The following SLC14A2 variants were observed in gnomAD, a reference collection of about 807,000 sequenced individuals.
The protein encoded by SLC14A2 is urea transporter 2.
Under a neutral mutation model 104.6 loss-of-function variants are expected in SLC14A2, and 91 were observed. The ratio of observed to expected loss-of-function variants is 0.87; its 90% CI spans 0.73 to 1.04. The LOEUF (loss-of-function observed/expected upper bound fraction) is 1.04. Among genes scored for constraint, SLC14A2 ranks in the 50% least tolerant of loss-of-function variants. The pLI, the probability that SLC14A2 is intolerant of heterozygous loss-of-function variation, is 0.00. For synonymous variants in SLC14A2, 476 were observed against 466.4 expected (o/e 1.02, Z -0.27); for missense variants, 1,189 against 1,156.0 (o/e 1.03, Z -0.41).
chr18:45,513,806 G>A (rs946216492), intron 2 of SLC14A2, among the ~76,000 whole-genome samples: 4 of 152,148 alleles, frequency 2.6e-5, no homozygotes, highest in African/African-American at 4.8e-5. Flanking sequence ...TTACTGTACC[G>A]ACTCAGACCC....
chr18:45,463,316 C>T (rs1394172731), intron 1 of SLC14A2, among the ~76,000 whole-genome samples: 1 of 152,192 alleles, frequency 6.6e-6, no homozygotes, highest in Non-Finnish European at 1.5e-5. Context: ...CACCCAGCAG[C>T]TTGACCCACC....
At chr18:45,196,325 TTC>T in the SLC14A2 span, among the ~76,000 whole-genome samples, 168 of 152,340 alleles carry the variant, frequency 1.1e-3, no homozygotes, top group Non-Finnish European at 2.0e-3. Flanking sequence ...CTCATTCTCT[TTC>T]TCTCTCATTC....
chr18:45,503,256 G>T (rs1598929710), intron 2 of SLC14A2, among the ~76,000 whole-genome samples: 2 of 152,150 alleles, frequency 1.3e-5, no homozygotes, highest in East Asian at 1.9e-4. Flanking sequence ...TTTACTTAGA[G>T]TCAGGCTTTG....
chr18:45,185,818 A>T, the SLC14A2 span, among the ~76,000 whole-genome samples: 2 of 152,244 alleles, frequency 1.3e-5, no homozygotes. Context: ...TAATATACAA[A>T]AATCAACTGC....
the SLC14A2 span, among the ~76,000 whole-genome samples, chr18:45,188,484 A>G: frequency 2.0e-5 from 3 of 152,142 alleles, no homozygotes; most frequent in Non-Finnish European, 4.4e-5. Context: ...ACTGTAATCA[A>G]GCATGCTCCT....
chr18:45,533,783 G>C (rs1209134800), intron 2 of SLC14A2, among the ~76,000 whole-genome samples: 1 of 152,052 alleles, frequency 6.6e-6, no homozygotes, highest in African/African-American at 2.4e-5. Flanking sequence ...TCTTTTAATT[G>C]TGATGTTAGG....
chr18:45,643,060 T>G, intron 8 of SLC14A2, 72 bp from the exon 9 acceptor site: 1 of 1,418,854 alleles, frequency 7.0e-7, no homozygotes, highest in South Asian at 1.2e-5. Flanking sequence ...CTGGGCTCCC[T>G]GGTCTGCAAT....
intron 1 of SLC14A2, among the ~76,000 whole-genome samples, chr18:45,419,628 G>A (rs1490948276): frequency 6.6e-6 from 1 of 152,128 alleles, no homozygotes. Flanking sequence ...ACAAAAATTA[G>A]TCAGGTGTGG....
At chr18:45,442,816 G>A (rs769626731) in intron 1 of SLC14A2, among the ~76,000 whole-genome samples, 7 of 152,126 alleles carry the variant, frequency 4.6e-5, no homozygotes, top group Non-Finnish European at 1.0e-4. Context: ...GCCTTCATTT[G>A]CTAAAGATTT....
upstream of SLC14A2, among the ~76,000 whole-genome samples, chr18:45,613,521 G>A (rs183892450): frequency 2.0e-5 from 3 of 152,316 alleles, no homozygotes; most frequent in Admixed American, 6.5e-5. Flanking sequence ...AAGACTTGCT[G>A]AATGATTTTG....
Position 45,485,585 on chromosome 18 carries a change from G to T in SLC14A2, c.-35+2263G>T, listed in dbSNP as rs185643764. 2.0e-3 allele frequency among the ~76,000 whole-genome samples: 297 copies of T among 152,240 alleles called. 3 individuals carry two copies. The highest frequency in any genetic ancestry group is 1.0e-3 in the Non-Finnish European group (69 of 67,986). On this transcript the variant is annotated intron_variant, in intron 2 of 20. Coordinates refer to the SLC14A2 transcript ENST00000586448. ...GAAGAAAATGGGTGCCCTCCAGTTT[G>T]GTATGTTTGGAAACAACACTGTGTG...
chr18:45,231,725 G>A (rs1024681174), intron 1 of SLC14A2, among the ~76,000 whole-genome samples: 2 of 152,186 alleles, frequency 1.3e-5, no homozygotes, highest in Admixed American at 6.5e-5. Context: ...CAAGTGAGGG[G>A]CATGTTTGGA....
At chr18:45,505,153 AT>A (rs1252412040) in intron 2 of SLC14A2, among the ~76,000 whole-genome samples, 5 of 152,196 alleles carry the variant, frequency 3.3e-5, no homozygotes, top group Non-Finnish European at 5.9e-5. Context: ...AAACAATTTT[AT>A]GAGGGATTAG....
chr18:45,471,259 A>C (rs751764061), intron 1 of SLC14A2, among the ~76,000 whole-genome samples: 4 of 152,082 alleles, frequency 2.6e-5, no homozygotes, highest in Non-Finnish European at 4.4e-5. Flanking sequence ...TCTGGCACCA[A>C]CCTAATTTTC....
At chr18:45,570,897 GCT>G (rs147866768) in intron 2 of SLC14A2, among the ~76,000 whole-genome samples, 7 of 152,264 alleles carry the variant, frequency 4.6e-5, no homozygotes, top group Non-Finnish European at 1.0e-4. Context: ...TTTTATTGTT[GCT>G]CTGTGTTGAG....
chr18:45,209,292 G>A (rs923000841), upstream of SLC14A2, among the ~76,000 whole-genome samples: 3 of 151,038 alleles, frequency 2.0e-5, no homozygotes, highest in Admixed American at 6.6e-5. Context: ...GCAGTGAGCC[G>A]AGATCACACC....
chr18:45,663,919 C>A lies in SLC14A2; in HGVS notation c.1474+12C>A. ...GAGGAGGAGCAAAGGTGTGCATGTC[C>A]TCCCCCTCACGCTTGGATCCCTGCC... On this transcript the variant is annotated intron_variant, in intron 11 of 19. Coordinates refer to ENST00000255226, the MANE Select transcript of SLC14A2 (RefSeq NM_007163.4). The A allele has an allele frequency of 6.2e-7, 1 of 1,604,604 alleles. No individual in the cohort carries two copies. The highest frequency in any genetic ancestry group is 1.1e-5 in the South Asian group (1 of 89,580).
intron 1 of SLC14A2, among the ~76,000 whole-genome samples, chr18:45,274,881 G>A (rs1042550937): frequency 6.6e-6 from 1 of 152,182 alleles, no homozygotes; most frequent in Non-Finnish European, 1.5e-5. Flanking sequence ...CTCAAGCAGA[G>A]CTCTTCCAGA....
At chr18:45,206,203 T>C in the SLC14A2 span, among the ~76,000 whole-genome samples, 2 of 152,190 alleles carry the variant, frequency 1.3e-5, no homozygotes, top group African/African-American at 4.8e-5. Context: ...TTTCACGTAG[T>C]GTTCCATGTA....
Sources: gnomAD v4.1 joint callset for allele counts (sites outside exome capture counted in the v4.1 genomes callset) on GRCh38, gnomAD v4.1.1 for gene constraint, MANE v1.5 for transcripts, NCBI Gene and HGNC (gene_info 2026-07-23, HGNC 2026-07-21) for gene names.